Variants in CTNNA3 observed in about 807,000 individuals in gnomAD.
CTNNA3 encodes the protein catenin alpha 3.
In CTNNA3, 76 loss-of-function variants were observed where a neutral mutation model predicts 95.7. The ratio of observed to expected loss-of-function variants is 0.79; its 90% CI spans 0.66 to 0.96. The LOEUF (loss-of-function observed/expected upper bound fraction) is 0.96. CTNNA3 is among the 40% of genes least tolerant of loss of function. The pLI is 0.00. For synonymous variants in CTNNA3, 431 were observed against 374.4 expected (o/e 1.15, Z -1.74); for missense variants, 1,191 against 1,089.8 (o/e 1.09, Z -1.31).
chr10:66,560,090 G>A (rs1842506989), intron 10 of CTNNA3, among the ~76,000 whole-genome samples: 2 of 152,126 alleles, frequency 1.3e-5, no homozygotes, highest in East Asian at 1.9e-4. Flanking sequence ...GCCATAATAT[G>A]CTTTTCATCT....
At chr10:67,302,521 G>A (rs2132502311) in intron 5 of CTNNA3, among the ~76,000 whole-genome samples, 1 of 152,246 alleles carries the variant, frequency 6.6e-6, no homozygotes, top group South Asian at 2.1e-4. Flanking sequence ...AAAATGTAAT[G>A]TTTATACAAT....
chr10:66,937,672 C>T (rs531256040), intron 7 of CTNNA3, among the ~76,000 whole-genome samples: 20 of 152,244 alleles, frequency 1.3e-4, no homozygotes, highest in African/African-American at 4.1e-4. Context: ...CCAGCTACAA[C>T]CACCTTTATT....
chr10:67,066,845 T>C (rs1257589445), intron 7 of CTNNA3, among the ~76,000 whole-genome samples: 1 of 152,246 alleles, frequency 6.6e-6, no homozygotes, highest in Admixed American at 6.5e-5. Flanking sequence ...AGTGATGTTA[T>C]ATTAAAAATC....
chr10:67,503,142 T>C (rs1326372745), intron 5 of CTNNA3, among the ~76,000 whole-genome samples: 1 of 152,200 alleles, frequency 6.6e-6, no homozygotes, highest in African/African-American at 2.4e-5. Context: ...GCAAAGACCA[T>C]GGGAAAAGCA....
In CTNNA3 at chr10:67,211,023, A is replaced by T. The variant is rs1383671576; in HGVS notation, c.843+8584T>A. ...GAGGATCTAAAGGAAGAGTTGTGCT[A>T]GCTTTTATTGCTTGATTTATGGTAT... On this transcript the variant is annotated intron_variant, in intron 6 of 17. Coordinates refer to ENST00000433211, the MANE Select transcript of CTNNA3 (RefSeq NM_013266.4). 3.3e-5 allele frequency among the ~76,000 whole-genome samples: 5 copies of T among 152,168 alleles called. No homozygotes were observed. The East Asian group carries it at 9.6e-4, about 29-fold the overall frequency.
intron 7 of CTNNA3, among the ~76,000 whole-genome samples, chr10:66,818,072 C>A (rs1842158934): frequency 1.4e-5 from 2 of 141,574 alleles, no homozygotes. Flanking sequence ...AGAAAATAAT[C>A]CAACGCTCTT....
chr10:66,385,167 A>G (rs2092878988), intron 11 of CTNNA3, among the ~76,000 whole-genome samples: 1 of 152,136 alleles, frequency 6.6e-6, no homozygotes, highest in Admixed American at 6.5e-5. Context: ...TTTTTTGAAA[A>G]GATCAACAAA....
chr10:66,097,864 C>CGTGA (rs2081460289), intron 14 of CTNNA3: 1 of 152,084 alleles, frequency 6.6e-6, no homozygotes, highest in South Asian at 2.1e-4. Flanking sequence ...TTTATTGAAA[C>CGTGA]ATCACACAGG....
At position 67,624,472 on chromosome 10, in the gene CTNNA3, A is replaced by G. The variant is rs78991523; in HGVS notation, c.100-17423T>C. Among the ~76,000 whole-genome samples the G allele has an allele frequency of 7.2e-3, 1,100 of 152,258 alleles. 5 individuals carry two copies. The highest frequency in any genetic ancestry group is 0.013 in the Non-Finnish European group (858 of 68,012). ...TCTCCCCTCCTCTATGAAAAAGGGT[A>G]TATAAGCTTCTGTACCCGTTGGGTT... is the stretch of plus-strand genomic sequence containing the variant. On this transcript the variant is annotated intron_variant, in intron 2 of 17. Coordinates refer to ENST00000433211, the MANE Select transcript of CTNNA3 (RefSeq NM_013266.4).
intron 5 of CTNNA3, among the ~76,000 whole-genome samples, chr10:67,410,205 G>A (rs1034507042): frequency 7.2e-5 from 11 of 152,276 alleles, no homozygotes; most frequent in African/African-American, 2.6e-4. Context: ...GTCACTTGCA[G>A]GGACATGGAT....
chr10:67,389,827 G>A (rs1246196950), intron 5 of CTNNA3, among the ~76,000 whole-genome samples: 4 of 152,130 alleles, frequency 2.6e-5, no homozygotes, highest in African/African-American at 9.7e-5. Context: ...CATAAGAAAT[G>A]AAGGCAGAAA....
At chr10:66,682,619 T>C (rs865893221) in intron 9 of CTNNA3, among the ~76,000 whole-genome samples, 18 of 151,790 alleles carry the variant, frequency 1.2e-4, no homozygotes, top group Admixed American at 5.2e-4. Flanking sequence ...AAAATCCTCA[T>C]TTTCTAGGTG....
intron 7 of CTNNA3, among the ~76,000 whole-genome samples, chr10:66,909,444 G>A (rs544188131): frequency 4.5e-4 from 69 of 152,186 alleles, no homozygotes; most frequent in Admixed American, 1.2e-3. Context: ...CAGAGGTGGA[G>A]GTTGTGGTGA....
chr10:67,498,657 G>T (rs1480286533), intron 5 of CTNNA3, among the ~76,000 whole-genome samples: 1 of 152,100 alleles, frequency 6.6e-6, no homozygotes, highest in African/African-American at 2.4e-5. Flanking sequence ...CACATCCCTT[G>T]TAAGTTTTAT....
chr10:66,247,822 A>G (rs1011143730), intron 13 of CTNNA3, among the ~76,000 whole-genome samples: 1 of 152,186 alleles, frequency 6.6e-6, no homozygotes, highest in Non-Finnish European at 1.5e-5. Context: ...TCAACACCAG[A>G]CCCATCCTGC....
At chr10:66,963,074 A>G (rs1849206362) in intron 7 of CTNNA3, among the ~76,000 whole-genome samples, 1 of 152,196 alleles carries the variant, frequency 6.6e-6, no homozygotes, top group Non-Finnish European at 1.5e-5. Flanking sequence ...TCTACTTGCC[A>G]AAACTATATC....
chr10:67,574,267 T>A (rs1842070099), intron 3 of CTNNA3, among the ~76,000 whole-genome samples: 1 of 152,164 alleles, frequency 6.6e-6, no homozygotes, highest in South Asian at 2.1e-4. Context: ...TTATATCTCT[T>A]TTCTTTGATT....
intron 9 of CTNNA3, among the ~76,000 whole-genome samples, chr10:66,690,110 C>T (rs1271857791): frequency 1.3e-5 from 2 of 151,686 alleles, no homozygotes; most frequent in Non-Finnish European, 2.9e-5. Flanking sequence ...ATAAAGTATC[C>T]CTCAAAAATA....
chr10:66,665,100 G>C (rs913885096), intron 9 of CTNNA3, among the ~76,000 whole-genome samples: 2 of 152,084 alleles, frequency 1.3e-5, no homozygotes, highest in Non-Finnish European at 2.9e-5. Flanking sequence ...ACTTACCCAA[G>C]GTCACACTGC....
Sources: gnomAD v4.1 joint callset for allele counts (sites outside exome capture counted in the v4.1 genomes callset) on GRCh38, gnomAD v4.1.1 for gene constraint, MANE v1.5 for transcripts, NCBI Gene and HGNC (gene_info 2026-07-23, HGNC 2026-07-21) for gene names.